Variants in SEL1L3 observed in about 807,000 individuals in gnomAD.
The protein encoded by SEL1L3 is SEL1L family member 3, also known as protein sel-1 homolog 3.
In SEL1L3, 76 loss-of-function variants were observed where a neutral mutation model predicts 142.8. The observed-to-expected ratio is 0.53, with a 90% CI of 0.44 to 0.64. The LOEUF (loss-of-function observed/expected upper bound fraction) is 0.64. Among genes scored for constraint, SEL1L3 ranks in the 30% least tolerant of loss-of-function variants. The pLI is 0.00. For synonymous variants in SEL1L3, 504 were observed against 519.6 expected (o/e 0.97, Z 0.41); for missense variants, 1,262 against 1,381.7 (o/e 0.91, Z 1.37).
intron 2 of SEL1L3, among the ~76,000 whole-genome samples, chr4:25,839,683 C>T (rs1716048544): frequency 6.6e-6 from 1 of 152,210 alleles, no homozygotes; most frequent in Non-Finnish European, 1.5e-5. Flanking sequence ...AATGAATTTA[C>T]TTCTGGGAAA....
chr4:25,782,447 CT>C (rs751653936), intron 14 of SEL1L3, 29 bp from the exon 15 acceptor site: 4 of 1,600,390 alleles, frequency 2.5e-6, no homozygotes. Context: ...AAGAAATTAA[CT>C]TTAGAAAAAT....
rs1716638134 is a variant in SEL1L3, at chr4:25,847,848, A to C, written c.179T>G (p.Leu60Trp). 6.4e-7 allele frequency: 1 copy of C among 1,568,476 alleles called. No individual in the cohort carries two copies. The highest frequency in any genetic ancestry group is 8.6e-7 in the Non-Finnish European group (1 of 1,160,900). Residue 60 changes from leucine to tryptophan, a missense_variant, in exon 2 of 24, where the codon TTG (leucine) becomes TGG (tryptophan). Physicochemically the swap from Leu to Trp is moderately conservative, Grantham distance 61. Coordinates refer to ENST00000399878, the MANE Select transcript of SEL1L3 (RefSeq NM_015187.5). The part of the protein sequence containing the change: ...LLCYLNVVPS[L>W]GRQTSLTTSV... ...TGTCGTCAGGGAAGTCTGCCTACCC[A>C]AAGATGGTACAACATTCTGAAAAAA...
At chr4:25,773,924 G>A (rs1213722614) in intron 17 of SEL1L3, among the ~76,000 whole-genome samples, 1 of 152,082 alleles carries the variant, frequency 6.6e-6, no homozygotes, top group African/African-American at 2.4e-5. Flanking sequence ...TATCATGAAG[G>A]CTGTCCCAAG....
At chr4:25,862,629 G>C (rs529438286) in intron 1 of SEL1L3, 46 bp downstream of exon 1, 1 of 1,119,390 alleles carries the variant, frequency 8.9e-7, no homozygotes, top group Non-Finnish European at 1.1e-6. Flanking sequence ...CCGCGTCCCC[G>C]GGGCCCCGCG....
Position 25,838,881 on chromosome 4 carries a change from T to C in SEL1L3, c.734-3558A>G, listed in dbSNP as rs113403685. Among the ~76,000 whole-genome samples, 463 of 152,322 alleles carry C rather than the reference T, an allele frequency of 3.0e-3. 3 individuals carry two copies. The highest frequency in any genetic ancestry group is 8.5e-3 in the African/African-American group (355 of 41,554). ...AGAACCCTGACACAGATCCCTTGCT[T>C]GGGAAAAGGTAACACTTCCACGTAA... On this transcript the variant is annotated intron_variant, in intron 2 of 23. Coordinates refer to ENST00000399878, the MANE Select transcript of SEL1L3 (RefSeq NM_015187.5).
rs1281749803 is a variant in SEL1L3, at chr4:25,790,519, T to C, written c.2012A>G (p.Lys671Arg). The C allele has an allele frequency of 7.4e-6, 12 of 1,613,412 alleles. 1 individual carries two copies. The highest frequency in any genetic ancestry group is 1.3e-5 in the African/African-American group (1 of 74,770). The change falls in exon 12 of 24, where the codon AAA becomes AGA. Residue 671 changes from lysine (K) to arginine (R), a missense_variant. By Grantham distance (26) the Lys-to-Arg change is conservative (BLOSUM62 2). Around this residue, in one of 3 missense-constraint regions of SEL1L3, gnomAD observed 435 missense variants for 559.2 expected, o/e 0.78. Transcript: ENST00000399878. Reference protein sequence around the residue: ...KDDEILKVQTKEDGDVFMWLK... With the variant: ...KDDEILKVQTREDGDVFMWLK... ...CCACATAAAGACATCTCCATCTTCT[T>C]TGGTTTGTACCTTGAGTATTTCATC...
intron 4 of SEL1L3, among the ~76,000 whole-genome samples, 160 bp from the exon 5 acceptor site, chr4:25,833,270 G>T (rs1715562049): frequency 6.6e-6 from 1 of 152,156 alleles, no homozygotes; most frequent in African/African-American, 2.4e-5. Flanking sequence ...TTGTAAATAA[G>T]ACATTGGGTT....
chr4:25,829,637 T>C (rs1436463977), intron 6 of SEL1L3, among the ~76,000 whole-genome samples: 1 of 152,216 alleles, frequency 6.6e-6, no homozygotes. Context: ...TATATAAAGA[T>C]GAAAAGTGAC....
In SEL1L3 at chr4:25,802,352, CAGT is replaced by C; in HGVS notation, c.1884_1886del (p.Leu629del). The C allele has an allele frequency of 6.2e-7, 1 of 1,613,744 alleles. No individual in the cohort carries two copies. The highest frequency in any genetic ancestry group is 8.5e-7 in the Non-Finnish European group (1 of 1,179,786). On this transcript the variant is annotated inframe_deletion, in exon 11 of 24. Coordinates refer to ENST00000399878, the MANE Select transcript of SEL1L3 (RefSeq NM_015187.5). The stretch of plus-strand genomic sequence containing the variant: ...CAATGTTGCTGTAGTAGGCATACGA[CAGT>C]TCCCAGTCCAGGGGGTAGTTGTCAA...
chr4:25,803,670 T>C (rs1713343091), intron 10 of SEL1L3, among the ~76,000 whole-genome samples: 1 of 152,172 alleles, frequency 6.6e-6, no homozygotes, highest in Admixed American at 6.5e-5. Context: ...CATCATCCAA[T>C]CTCTTGAGGG....
intron 17 of SEL1L3, among the ~76,000 whole-genome samples, chr4:25,773,753 G>A (rs1301358666): frequency 6.6e-6 from 1 of 152,110 alleles, no homozygotes; most frequent in Non-Finnish European, 1.5e-5. Flanking sequence ...GCACCTCTTT[G>A]GTTTCATTAT....
chr4:25,793,868 T>C (rs1196464705), intron 11 of SEL1L3, among the ~76,000 whole-genome samples: 3 of 152,158 alleles, frequency 2.0e-5, no homozygotes, highest in African/African-American at 7.2e-5. Flanking sequence ...TCTGACCTCA[T>C]AAGGTTGCAT....
chr4:25,815,060 C>A (rs964078599), intron 9 of SEL1L3, among the ~76,000 whole-genome samples: 8 of 152,178 alleles, frequency 5.3e-5, no homozygotes, highest in Non-Finnish European at 1.0e-4. Context: ...TCCCTCCCTG[C>A]CATCTCCTAG....
intron 9 of SEL1L3, among the ~76,000 whole-genome samples, chr4:25,807,573 A>C (rs888877133): frequency 2.0e-5 from 3 of 152,010 alleles, no homozygotes; most frequent in Non-Finnish European, 4.4e-5. Flanking sequence ...CAACATTAAC[A>C]TTTGTTAAAG....
intron 20 of SEL1L3, among the ~76,000 whole-genome samples, chr4:25,763,675 C>T (rs967979901): frequency 1.1e-4 from 17 of 152,120 alleles, no homozygotes; most frequent in Non-Finnish European, 2.4e-4. Context: ...TGGCAAAACC[C>T]CATCTCTACA....
the SEL1L3 span, among the ~76,000 whole-genome samples, chr4:25,728,559 G>A: frequency 1.3e-5 from 2 of 152,070 alleles, no homozygotes; most frequent in Non-Finnish European, 2.9e-5. Context: ...AATCCTGCCC[G>A]TCCATCAAGG....
At chr4:25,723,247 A>G in the SEL1L3 span, among the ~76,000 whole-genome samples, 1 of 152,180 alleles carries the variant, frequency 6.6e-6, no homozygotes. Context: ...AGAACATCTG[A>G]GCCCAGCTGG....
At chr4:25,805,201 T>G (rs1713475871) in intron 9 of SEL1L3, among the ~76,000 whole-genome samples, 1 of 152,224 alleles carries the variant, frequency 6.6e-6, no homozygotes, top group Non-Finnish European at 1.5e-5. Flanking sequence ...TCTAGACATC[T>G]TTTGTCCCCA....
intron 23 of SEL1L3, chr4:25,756,196 T>C (rs931001187): frequency 2.0e-6 from 2 of 985,292 alleles, no homozygotes; most frequent in African/African-American, 3.5e-5. Flanking sequence ...TTTGTAAATG[T>C]CTCTGTTTGC....
Sources: gnomAD v4.1 joint callset for allele counts (sites outside exome capture counted in the v4.1 genomes callset) on GRCh38, gnomAD v4.1.1 for gene constraint, gnomAD v4.1.1 regional missense constraint, MANE v1.5 for transcripts, NCBI Gene and HGNC (gene_info 2026-07-23, HGNC 2026-07-21) for gene names.